Variants in MARCHF1 observed in about 807,000 individuals in gnomAD.
MARCHF1 encodes membrane associated ring-CH-type finger 1, also known as E3 ubiquitin-protein ligase MARCHF1.
Under a neutral mutation model 54.2 loss-of-function variants are expected in MARCHF1, and 40 were observed. The ratio of observed to expected loss-of-function variants is 0.74; its 90% confidence interval spans 0.57 to 0.96. The LOEUF (loss-of-function observed/expected upper bound fraction) is 0.96, where lower values mean the gene tolerates loss of function less well. MARCHF1 is among the 40% of genes least tolerant of loss of function. The pLI, the probability that MARCHF1 is intolerant of heterozygous loss-of-function variation, is 0.00. For synonymous variants in MARCHF1, 236 were observed against 236.3 expected (o/e 1.00, Z 0.01); for missense variants, 586 against 656.5 (o/e 0.89, Z 1.17).
At chr4:164,279,581 G>A (rs1349011995) in intron 1 of MARCHF1, among the ~76,000 whole-genome samples, 4 of 151,566 alleles carry the variant, frequency 2.6e-5, no homozygotes, top group African/African-American at 9.7e-5. Context: ...TGATGGATAT[G>A]CTAATTATCC....
intron 3 of MARCHF1, among the ~76,000 whole-genome samples, chr4:163,987,737 T>C (rs1406155218): frequency 2.0e-5 from 3 of 152,340 alleles, no homozygotes; most frequent in South Asian, 2.1e-4. Context: ...ATTTATGATA[T>C]TTCCACTCAA....
chr4:163,756,219 C>T (rs1746661253), intron 4 of MARCHF1, among the ~76,000 whole-genome samples: 1 of 152,074 alleles, frequency 6.6e-6, no homozygotes, highest in Admixed American at 6.5e-5. Context: ...AATACTTTGT[C>T]CAAAGTTATA....
intron 4 of MARCHF1, among the ~76,000 whole-genome samples, chr4:163,845,021 C>G (rs1261062713): frequency 2.6e-5 from 4 of 152,106 alleles, no homozygotes; most frequent in Non-Finnish European, 4.4e-5. Flanking sequence ...TGTTCCACCA[C>G]TTTTCTAATC....
intron 3 of MARCHF1, among the ~76,000 whole-genome samples, chr4:163,952,525 A>G (rs1752154142): frequency 6.6e-6 from 1 of 152,210 alleles, no homozygotes; most frequent in South Asian, 2.1e-4. Context: ...GTTTCTCAGC[A>G]TGCATACCAT....
At chr4:163,827,470 G>T (rs953912200) in intron 4 of MARCHF1, among the ~76,000 whole-genome samples, 1 of 152,044 alleles carries the variant, frequency 6.6e-6, no homozygotes, top group Non-Finnish European at 1.5e-5. Flanking sequence ...TTTGACATAA[G>T]ATATAAATTT....
chr4:163,786,117 C>G (rs1400655314), intron 4 of MARCHF1, among the ~76,000 whole-genome samples: 1 of 151,932 alleles, frequency 6.6e-6, no homozygotes, highest in South Asian at 2.1e-4. Flanking sequence ...TTCAGTCCTT[C>G]GGACACCTTG....
intron 2 of MARCHF1, among the ~76,000 whole-genome samples, chr4:164,082,410 T>A (rs544703161): frequency 1.2e-4 from 18 of 152,172 alleles, no homozygotes; most frequent in Non-Finnish European, 1.8e-4. Flanking sequence ...ACGCAACAGA[T>A]GAAAGATCTT....
intron 1 of MARCHF1, among the ~76,000 whole-genome samples, chr4:164,145,388 A>G (rs1473068802): frequency 1.3e-5 from 2 of 152,038 alleles, no homozygotes; most frequent in Admixed American, 6.6e-5. Context: ...ATTTTAGACC[A>G]ATATCCTTGA....
intron 4 of MARCHF1, among the ~76,000 whole-genome samples, chr4:163,762,136 C>T (rs1746843344): frequency 6.6e-6 from 1 of 152,108 alleles, no homozygotes; most frequent in Non-Finnish European, 1.5e-5. Flanking sequence ...TTGTTTGTTT[C>T]TTAAGTAAAG....
At chr4:164,174,032 A>G (rs957083954) in intron 1 of MARCHF1, among the ~76,000 whole-genome samples, 1 of 152,358 alleles carries the variant, frequency 6.6e-6, no homozygotes, top group Admixed American at 6.5e-5. Flanking sequence ...CTATAAGGTC[A>G]ACAAACTTTC....
intron 1 of MARCHF1, among the ~76,000 whole-genome samples, chr4:164,140,381 T>A (rs1756502318): frequency 6.6e-6 from 1 of 151,904 alleles, no homozygotes; most frequent in Non-Finnish European, 1.5e-5. Flanking sequence ...AGTTTCTTTC[T>A]CAGGAAACCA....
At chr4:164,234,479 A>T (rs1299545926) in intron 1 of MARCHF1, among the ~76,000 whole-genome samples, 1 of 152,158 alleles carries the variant, frequency 6.6e-6, no homozygotes, top group Non-Finnish European at 1.5e-5. Context: ...AAATTAATTT[A>T]TTGACACTCC....
At chr4:164,130,091 A>C (rs1191609935) in intron 1 of MARCHF1, 1 of 152,172 alleles carries the variant, frequency 6.6e-6, no homozygotes, top group African/African-American at 2.4e-5. Flanking sequence ...GGTTTGAATA[A>C]AATTCCTTAG....
chr4:163,820,512 C>T (rs975018288), intron 4 of MARCHF1, among the ~76,000 whole-genome samples: 4 of 152,068 alleles, frequency 2.6e-5, no homozygotes, highest in African/African-American at 9.7e-5. Context: ...ATCTTCAACC[C>T]AGACAATTCT....
intron 4 of MARCHF1, among the ~76,000 whole-genome samples, chr4:163,772,834 C>A (rs1747199271): frequency 6.6e-6 from 1 of 151,880 alleles, no homozygotes; most frequent in Non-Finnish European, 1.5e-5. Context: ...GGCAGGAAAT[C>A]TTGGAGAGCA....
intron 2 of MARCHF1, among the ~76,000 whole-genome samples, chr4:164,029,370 T>A (rs1753831202): frequency 6.6e-6 from 1 of 151,766 alleles, no homozygotes; most frequent in South Asian, 2.1e-4. Context: ...AATGACCAGA[T>A]GTCATGAGAG....
chr4:163,559,115 C>A (rs1739387683), intron 8 of MARCHF1, among the ~76,000 whole-genome samples: 1 of 152,088 alleles, frequency 6.6e-6, no homozygotes, highest in African/African-American at 2.4e-5. Context: ...AGCATTAAAA[C>A]CTATTTCTAT....
chr4:164,291,060 A>ACT (rs1734272871), intron 1 of MARCHF1, among the ~76,000 whole-genome samples: 1 of 151,936 alleles, frequency 6.6e-6, no homozygotes, highest in Admixed American at 6.6e-5. Flanking sequence ...TGAAATTTCA[A>ACT]AAAAACTTCA....
intron 7 of MARCHF1, among the ~76,000 whole-genome samples, chr4:163,607,921 A>G (rs148595679): frequency 6.6e-6 from 1 of 152,220 alleles, no homozygotes; most frequent in East Asian, 1.9e-4. Context: ...GATGCTCACT[A>G]AAGTTTTAGA....
Sources: allele counts gnomAD v4.1 joint callset (sites outside exome capture counted in the v4.1 genomes callset), GRCh38; gene constraint gnomAD v4.1.1; transcripts MANE v1.5; gene names NCBI Gene and HGNC (gene_info 2026-07-23, HGNC 2026-07-21).